Variants in PIGQ observed in about 807,000 individuals in gnomAD.
PIGQ encodes phosphatidylinositol N-acetylglucosaminyltransferase subunit Q.
Under a neutral mutation model 60.3 loss-of-function variants are expected in PIGQ, and 54 were observed. That is an observed-to-expected ratio of 0.90 (90% CI 0.72 to 1.12). PIGQ has a LOEUF of 1.12. PIGQ is among the 50% of genes most tolerant of loss of function. The pLI is 0.00. For missense variants in PIGQ, 799 were observed against 793.5 expected (o/e 1.01, Z -0.08); for synonymous variants, 416 against 363.7 (o/e 1.14, Z -1.64).
intron 4 of PIGQ, among the ~76,000 whole-genome samples, chr16:577,643 G>A (rs1236710957): frequency 6.6e-6 from 1 of 152,104 alleles, no homozygotes; most frequent in African/African-American, 2.4e-5. Context: ...TGAGGCCTTG[G>A]CCCAGGCTTG....
intron 1 of PIGQ, among the ~76,000 whole-genome samples, chr16:573,499 T>TG (rs1286261426): frequency 1.3e-5 from 2 of 152,120 alleles, no homozygotes; most frequent in African/African-American, 2.4e-5. Flanking sequence ...AGGGACCTTC[T>TG]GGGGGGCTGC....
In PIGQ at chr16:583,651, C is replaced by A; in HGVS notation, c.*616C>A. The A allele has an allele frequency of 6.2e-7, 1 of 1,612,194 alleles. No homozygotes were observed. The highest frequency in any genetic ancestry group is 8.5e-7 in the Non-Finnish European group (1 of 1,179,812). On this transcript the variant is annotated 3_prime_UTR_variant, in exon 11 of 11. Coordinates refer to ENST00000321878, the MANE Select transcript of PIGQ (RefSeq NM_004204.5). ...GCTTTGTGAAGAAACCATCAGCAGG[C>A]TGTGAGCATCGCCAGGCTGCTGTGG...
In PIGQ at chr16:578,460, C is replaced by T. The variant is rs2151047073; in HGVS notation, c.1024C>T (p.Gln342Ter). 2 of 1,612,766 alleles carry T rather than the reference C, an allele frequency of 1.2e-6. No homozygotes were observed. Among genetic ancestry groups the T allele is most frequent in the Non-Finnish European group, 1.7e-6 (2 of 1,179,908 alleles). ...AGLKMNRALDQVLGRFFLYHI... is the reference protein window; with the variant it reads ...AGLKMNRALD ...GCTCAAGATGAACCGTGCACTGGAC[C>T]AGGTGCTGGGCCGCTTCTTCCTCTA... Residue 342 changes from glutamine (Q) to a stop codon, truncating the protein, a stop_gained, in exon 5 of 11, where the codon CAG becomes TAG. Transcript: ENST00000321878. LOFTEE classifies it high-confidence loss of function.
chr16:574,863 C>T, intron 2 of PIGQ, 100 bp downstream of exon 2: 1 of 980,962 alleles, frequency 1.0e-6, no homozygotes, highest in Non-Finnish European at 1.5e-6. Context: ...ATGCGCTCTT[C>T]CTGGGCCCGG....
Position 574,072 on chromosome 16 carries a change from G to C in PIGQ, c.-3G>C, listed in dbSNP as rs766874172. The C allele has an allele frequency of 5.7e-6, 9 of 1,592,284 alleles. No individual in the cohort carries two copies. The highest frequency in any genetic ancestry group is 1.3e-5 in the African/African-American group (1 of 74,602). ...CTCTCCTCTTCTCTTCCAGCCTCCC[G>C]GCATGGTGCTCAAGGCCTTCTTCCC... On this transcript the variant is annotated 5_prime_UTR_variant, in exon 2 of 11. Transcript: ENST00000321878.
intron 9 of PIGQ, chr16:581,410 C>T (rs1201788931): frequency 3.7e-5 from 38 of 1,028,580 alleles, no homozygotes; most frequent in Non-Finnish European, 4.2e-5. Context: ...CCGTCCCTCA[C>T]TGGGGCTCTT....
rs760925678 is a variant in PIGQ, at chr16:574,457, T to G, written c.383T>G (p.Leu128Arg). ...PGAPGEDQVM[L>R]IFYDQRQVLL... ...GCCCCTGGTGAGGACCAGGTCATGC[T>G]CATCTTCTATGACCAGCGCCAGGTG... The change falls in exon 2 of 11, where the codon CTC (leucine) becomes CGC (arginine). Residue 128 changes from leucine to arginine, a missense_variant. Leu to Arg is a moderately radical substitution (Grantham distance 102, BLOSUM62 -2). Transcript: ENST00000321878. 2 of 1,610,834 alleles carry G rather than the reference T, an allele frequency of 1.2e-6. No individual in the cohort carries two copies. The highest frequency in any genetic ancestry group is 1.7e-6 in the Non-Finnish European group (2 of 1,179,222).
chr16:571,706 C>T (rs1386979473), intron 1 of PIGQ, among the ~76,000 whole-genome samples: 1 of 151,720 alleles, frequency 6.6e-6, no homozygotes, highest in African/African-American at 2.4e-5. Flanking sequence ...GATCGCTTCT[C>T]TTTCATCTTC....
chr16:571,732 C>T (rs2035632955), intron 1 of PIGQ, among the ~76,000 whole-genome samples: 1 of 151,980 alleles, frequency 6.6e-6, no homozygotes, highest in South Asian at 2.1e-4. Context: ...GCTGTGTGAT[C>T]CCAGCAGCTG....
intron 3 of PIGQ, 75 bp downstream of exon 3, chr16:576,045 G>A (rs2035711563): frequency 1.9e-5 from 30 of 1,546,472 alleles, no homozygotes; most frequent in Non-Finnish European, 2.5e-5. Context: ...TCTGCACCAC[G>A]CTGACCCCTC....
intron 1 of PIGQ, chr16:572,511 A>G (rs573850453): frequency 7.7e-5 from 35 of 456,134 alleles, no homozygotes; most frequent in Non-Finnish European, 1.5e-4. Flanking sequence ...TCGGGAGAGG[A>G]CTTACAGGTC....
At chr16:581,077 G>A in intron 9 of PIGQ, 105 bp downstream of exon 9, 2 of 1,358,440 alleles carry the variant, frequency 1.5e-6, no homozygotes, top group Non-Finnish European at 2.1e-6. Context: ...CCTCCAGCCT[G>A]GAAGCCGTGG....
At chr16:575,523 C>T (rs2035702418) in intron 2 of PIGQ, among the ~76,000 whole-genome samples, 1 of 152,180 alleles carries the variant, frequency 6.6e-6, no homozygotes, top group African/African-American at 2.4e-5. Context: ...GTCGGCGGGG[C>T]GAGGCCCTGG....
chr16:580,927 C>G lies in PIGQ; in HGVS notation c.1486C>G (p.Leu496Val), dbSNP rs1371123217. ...CGTGGACCTCATCAACTCCCTGCCG[C>G]TGTACTCACTGGGTCTTCGGCTCTG... ...LLVDLINSLP[L>V]YSLGLRLCRP... The change falls in exon 9 of 11, where the codon CTG becomes GTG. Residue 496 changes from leucine to valine, a missense_variant. Transcript: ENST00000321878. 1.3e-5 allele frequency: 21 copies of G among 1,610,650 alleles called. No individual in the cohort carries two copies. Among genetic ancestry groups the G allele is most frequent in the Non-Finnish European group, 1.7e-5 (20 of 1,178,912 alleles).
chr16:578,858 G>T lies in PIGQ; in HGVS notation c.1143G>T (p.Leu381=). ...WHVGLSACLG[L]TVALSLLSDI... The stretch of plus-strand genomic sequence containing the variant: ...TGGGCCTCTCGGCCTGCCTGGGCCT[G>T]ACGGTGGCCCTGTCCCTCCTCTCGG... The change falls in exon 6 of 11, where the codon CTG becomes CTT. Residue 381 remains leucine (L), a synonymous_variant. Transcript: ENST00000321878. The T allele has an allele frequency of 6.2e-7, 1 of 1,613,792 alleles. No individual in the cohort carries two copies. Among genetic ancestry groups the T allele is most frequent in the Non-Finnish European group, 8.5e-7 (1 of 1,179,918 alleles).
intron 1 of PIGQ, chr16:572,724 G>A (rs951286137): frequency 3.7e-5 from 17 of 455,366 alleles, no homozygotes; most frequent in African/African-American, 8.0e-5. Context: ...CTGTTCCCTC[G>A]TCCCTAAGGA....
intron 9 of PIGQ, chr16:581,305 CA>C: frequency 7.7e-7 from 1 of 1,296,648 alleles, no homozygotes; most frequent in Non-Finnish European, 1.0e-6. Flanking sequence ...GCGGCAAAGT[CA>C]GAGGCACTAG....
chr16:576,663 G>A (rs1045356608), intron 4 of PIGQ: 2 of 442,518 alleles, frequency 4.5e-6, no homozygotes, highest in Non-Finnish European at 7.9e-6. Context: ...GCCCAGCTGG[G>A]ACTTCCTGCC....
intron 7 of PIGQ, 46 bp downstream of exon 7, chr16:579,226 T>C: frequency 6.7e-7 from 1 of 1,498,944 alleles, no homozygotes; most frequent in Non-Finnish European, 9.3e-7. Flanking sequence ...GCCTCCGGCC[T>C]GTGCCCGCTG....
Sources: gnomAD v4.1 joint callset for allele counts (sites outside exome capture counted in the v4.1 genomes callset) on GRCh38, gnomAD v4.1.1 for gene constraint, MANE v1.5 for transcripts, NCBI Gene and HGNC (gene_info 2026-07-23, HGNC 2026-07-21) for gene names.